Variants in CFI observed in about 807,000 individuals in gnomAD.
CFI encodes the protein complement factor I.
A neutral mutation model predicts 78.8 loss-of-function variants in CFI; 66 were observed. The ratio of observed to expected loss-of-function variants is 0.84; its 90% confidence interval spans 0.69 to 1.03. CFI has a LOEUF of 1.03. CFI is among the 50% of genes least tolerant of loss of function. The pLI, the probability that CFI is intolerant of heterozygous loss-of-function variation, is 0.00. For synonymous variants in CFI, 250 were observed against 232.6 expected (o/e 1.07, Z -0.68); for missense variants, 706 against 704.5 (o/e 1.00, Z -0.02).
chr4:109,752,627 A>G (rs2126196432), intron 7 of CFI, 124 bp from the exon 8 acceptor site: 1 of 801,048 alleles, frequency 1.2e-6, no homozygotes, highest in Non-Finnish European at 2.1e-6. Flanking sequence ...TTTTATAAAG[A>G]ACTGTACAAA....
At chr4:109,740,334 AAGAAAGAGAG>A (rs1561280022), downstream of CFI, among the ~76,000 whole-genome samples, 1 of 151,744 alleles carries the variant, frequency 6.6e-6, no homozygotes, top group Non-Finnish European at 1.5e-5. Context: ...GAGAAAAAGA[AAGAAAGAGAG>A]AGAAAGAGAG....
intron 1 of CFI, 70 bp downstream of exon 1, chr4:109,801,845 T>C: frequency 9.7e-7 from 1 of 1,029,096 alleles, no homozygotes; most frequent in Non-Finnish European, 1.5e-6. Context: ...ATATTTAAGA[T>C]TATTTTCTAT....
intron 1 of CFI, among the ~76,000 whole-genome samples, chr4:109,797,657 C>T (rs1410441045): frequency 6.6e-6 from 1 of 152,164 alleles, no homozygotes; most frequent in Non-Finnish European, 1.5e-5. Flanking sequence ...GCAAACTATA[C>T]ATCTGGTAAG....
rs1354063056 is a variant in CFI, at chr4:109,757,799, A to G, written c.884-16T>C. 1 of 1,439,036 alleles carries G rather than the reference A, an allele frequency of 6.9e-7. No homozygotes were observed. The highest frequency in any genetic ancestry group is 2.3e-5 in the East Asian group (1 of 42,554). The allele number at this position is 1,439,036 out of a possible 1,614,324, so 89.1% of individuals were successfully genotyped here. On this transcript the variant is annotated splice_polypyrimidine_tract_variant and intron_variant, in intron 6 of 12. Transcript: ENST00000394634. ...GATGCAAAGCCTGAAGAAAACAAAA[A>G]CAAAAAATTTATCAAAGGATAATTT...
chr4:109,732,984 T>A, the CFI span, among the ~76,000 whole-genome samples: 1 of 66,662 alleles, frequency 1.5e-5, no homozygotes, highest in African/African-American at 3.4e-5. Flanking sequence ...ATCATATAAA[T>A]TTTTTTTTTT....
intron 12 of CFI, chr4:109,742,228 T>C (rs1042831691): frequency 2.3e-6 from 1 of 432,802 alleles, no homozygotes; most frequent in Non-Finnish European, 4.2e-6. Context: ...GGGATATAAA[T>C]CTAGGTCTGG....
chr4:109,774,710 G>T (rs574433310), intron 1 of CFI, among the ~76,000 whole-genome samples: 2 of 152,278 alleles, frequency 1.3e-5, no homozygotes, highest in Admixed American at 1.3e-4. Context: ...ACTAGTAAAG[G>T]AGACTGAGAA....
chr4:109,757,781 A>G lies in CFI; in HGVS notation c.886T>C (p.Phe296Leu). 1 of 1,457,836 alleles carries G rather than the reference A, an allele frequency of 6.9e-7. No individual in the cohort carries two copies. The highest frequency in any genetic ancestry group is 9.5e-7 in the Non-Finnish European group (1 of 1,048,736). 90.3% of individuals were successfully genotyped at this position (1,457,836 alleles called of 1,614,324 possible). A position where few individuals can be genotyped will look rare whatever the true frequency, so the allele number is the denominator to read the frequency against. Residue 296 changes from phenylalanine to leucine, a missense_variant and splice_region_variant, in exon 7 of 13, where the codon TTT becomes CTT. Transcript: ENST00000394634. ...ATTTTACCTTGAGTCACAGATGCAA[A>G]GCCTGAAGAAAACAAAAACAAAAAA... ...TGEDEVGCAG[F>L]ASVTQEETEI...
chr4:109,764,101 A>T (rs1045747176), intron 3 of CFI, among the ~76,000 whole-genome samples: 9 of 150,194 alleles, frequency 6.0e-5, no homozygotes, highest in Non-Finnish European at 1.2e-4. Flanking sequence ...ATAAACTATA[A>T]TTTATCCTAA....
intron 1 of CFI, among the ~76,000 whole-genome samples, chr4:109,769,107 T>A (rs1253022439): frequency 6.6e-6 from 1 of 152,194 alleles, no homozygotes; most frequent in Non-Finnish European, 1.5e-5. Flanking sequence ...ATTTATCACC[T>A]TTATATTGAA....
At position 109,762,608 on chromosome 4, in the gene CFI, C is replaced by T. The variant is rs544955298; in HGVS notation, c.483-916G>A. 9.9e-5 allele frequency: 15 copies of T among 152,082 alleles called. No individual in the cohort carries two copies. The East Asian group carries it at 2.9e-3, about 29-fold the overall frequency. The allele number at this position is 152,082 out of a possible 1,614,324, so 9.4% of individuals were successfully genotyped here. ...CAGGTAAATGGAAACAAAAATAGAA[C>T]AGTAATGACAATATAAATATTAGAC... On this transcript the variant is annotated intron_variant, in intron 3 of 12. Coordinates refer to ENST00000394634, the MANE Select transcript of CFI (RefSeq NM_000204.5).
chr4:109,766,848 A>G (rs1727829857), intron 1 of CFI, 24 bp from the exon 2 acceptor site: 1 of 1,613,004 alleles, frequency 6.2e-7, no homozygotes, highest in Non-Finnish European at 8.5e-7. Flanking sequence ...AATAAACATT[A>G]ACTTAGCAAC....
intron 3 of CFI, among the ~76,000 whole-genome samples, chr4:109,763,601 C>T (rs1484040624): frequency 1.3e-5 from 2 of 151,868 alleles, no homozygotes; most frequent in African/African-American, 2.4e-5. Flanking sequence ...AAGGAACATG[C>T]TTAAAATCTA....
chr4:109,739,179 T>A (rs1172536604), downstream of CFI, among the ~76,000 whole-genome samples: 3 of 151,754 alleles, frequency 2.0e-5, no homozygotes, highest in African/African-American at 7.3e-5. Flanking sequence ...TATTATTAAA[T>A]CAGTAGGGAT....
intron 1 of CFI, chr4:109,793,974 CAAAT>C (rs1232017687): frequency 6.6e-6 from 1 of 152,220 alleles, no homozygotes; most frequent in Non-Finnish European, 1.5e-5. Context: ...TTACTTTCAA[CAAAT>C]AAAATTTTCA....
intron 1 of CFI, among the ~76,000 whole-genome samples, chr4:109,798,984 C>T (rs1732415700): frequency 6.6e-6 from 1 of 152,058 alleles, no homozygotes. Flanking sequence ...TGGGCACTCA[C>T]TCATCCAGGC....
the CFI span, among the ~76,000 whole-genome samples, chr4:109,734,681 G>A: frequency 0.037 from 5,639 of 152,182 alleles, 153 homozygotes; most frequent in Non-Finnish European, 0.059. Context: ...GCAGGTGCCT[G>A]TAATCCCAGC....
At chr4:109,781,004 A>C (rs753240159) in intron 1 of CFI, among the ~76,000 whole-genome samples, 22 of 152,126 alleles carry the variant, frequency 1.4e-4, no homozygotes, top group Non-Finnish European at 1.9e-4. Flanking sequence ...TCATGGGGTC[A>C]GGGGAGCGGG....
intron 8 of CFI, among the ~76,000 whole-genome samples, chr4:109,752,146 G>A (rs1350551828): frequency 6.6e-6 from 1 of 152,104 alleles, no homozygotes; most frequent in Non-Finnish European, 1.5e-5. Context: ...CATGAGTCAT[G>A]CTTGAGAGCT....
Sources: allele counts gnomAD v4.1 joint callset (sites outside exome capture counted in the v4.1 genomes callset), GRCh38; gene constraint gnomAD v4.1.1; transcripts MANE v1.5; gene names NCBI Gene and HGNC (gene_info 2026-07-23, HGNC 2026-07-21).